Variants in BTBD8 observed in about 807,000 individuals in gnomAD.
BTBD8 encodes the protein BTB domain containing 8.
A neutral mutation model predicts 162.9 loss-of-function variants in BTBD8; 110 were observed. The ratio of observed to expected loss-of-function variants is 0.68; its 90% CI spans 0.58 to 0.79. BTBD8 has a LOEUF of 0.79. Ranked by LOEUF, BTBD8 falls within the 30% of genes least tolerant of loss-of-function variation. The probability of loss-of-function intolerance (pLI) is 0.00; values close to 1 mark genes in which losing one functional copy is unlikely to be tolerated. For synonymous variants in BTBD8, 667 were observed against 716.1 expected (o/e 0.93, Z 1.10); for missense variants, 1,905 against 2,085.4 (o/e 0.91, Z 1.68).
chr1:92,155,490 A>C (rs1318389055), intron 9 of BTBD8, among the ~76,000 whole-genome samples: 1 of 152,096 alleles, frequency 6.6e-6, no homozygotes, highest in Non-Finnish European at 1.5e-5. Flanking sequence ...CCCAGGCTGG[A>C]ATGCAGTGGC....
chr1:92,171,310 C>T (rs1570756251), intron 12 of BTBD8, 89 bp from the exon 13 acceptor site: 1 of 934,450 alleles, frequency 1.1e-6, no homozygotes, highest in Non-Finnish European at 1.6e-6. Flanking sequence ...CAAAATATAA[C>T]CTTTTTTCTA....
At chr1:92,146,086 G>T (rs763998087) in intron 7 of BTBD8, among the ~76,000 whole-genome samples, 2 of 151,882 alleles carry the variant, frequency 1.3e-5, no homozygotes, top group African/African-American at 4.8e-5. Flanking sequence ...ATATTTATAC[G>T]TTAGGAAGCA....
intron 2 of BTBD8, among the ~76,000 whole-genome samples, chr1:92,093,287 G>C (rs1383385619): frequency 6.8e-6 from 1 of 147,844 alleles, no homozygotes; most frequent in East Asian, 2.0e-4. Flanking sequence ...TCACCTCCCA[G>C]GTTCAAGCAA....
intron 4 of BTBD8, chr1:92,115,139 G>A: frequency 2.0e-6 from 1 of 505,038 alleles, no homozygotes. Context: ...TGTTCGACTT[G>A]GGGATGACCT....
chr1:92,159,777 A>G (rs146698359), intron 9 of BTBD8, among the ~76,000 whole-genome samples: 1 of 152,280 alleles, frequency 6.6e-6, no homozygotes, highest in East Asian at 1.9e-4. Flanking sequence ...CTTTAGTCTT[A>G]TAAACATTCT....
intron 9 of BTBD8, among the ~76,000 whole-genome samples, chr1:92,164,673 G>T (rs909306144): frequency 6.8e-6 from 1 of 145,994 alleles, no homozygotes; most frequent in Middle Eastern, 3.4e-3. Flanking sequence ...GCAAGACCCT[G>T]TTTCACATGG....
chr1:92,115,835 C>A, intron 4 of BTBD8: 1 of 174,714 alleles, frequency 5.7e-6, no homozygotes, highest in East Asian at 1.4e-4. Flanking sequence ...TGGTGCTGCC[C>A]AAGAACGGAA....
chr1:92,164,198 G>A (rs1345118785), intron 9 of BTBD8, among the ~76,000 whole-genome samples: 1 of 152,118 alleles, frequency 6.6e-6, no homozygotes, highest in East Asian at 1.9e-4. Context: ...ATTTTTAAAG[G>A]ATTATTGGCT....
Position 92,180,948 on chromosome 1 carries a change from G to A in BTBD8, c.3265G>A (p.Ala1089Thr). ...AAATTCAAAATTTTATAGCACCACA[G>A]CCCTAAAATACATGGTTTCAAATCC... ...NVNSKFYSTT[A>T]LKYMVSNPNE... Residue 1089 changes from alanine (A) to threonine (T), a missense_variant, in exon 17 of 18, where the codon GCC becomes ACC. Physicochemically the swap from Ala to Thr is moderately conservative, Grantham distance 58. Coordinates refer to ENST00000636805, the MANE Select transcript of BTBD8 (RefSeq NM_001376131.1). 6.4e-7 allele frequency: 1 copy of A among 1,551,642 alleles called. No individual in the cohort carries two copies. The highest frequency in any genetic ancestry group is 8.7e-7 in the Non-Finnish European group (1 of 1,146,954).
chr1:92,114,834 C>A, intron 4 of BTBD8: 1 of 339,478 alleles, frequency 2.9e-6, no homozygotes, highest in South Asian at 3.2e-5. Flanking sequence ...ACCATGAAAC[C>A]CACCACCCTG....
chr1:92,149,293 G>A (rs1489054508), intron 9 of BTBD8, among the ~76,000 whole-genome samples: 2 of 151,998 alleles, frequency 1.3e-5, no homozygotes, highest in Non-Finnish European at 2.9e-5. Context: ...CGTATTTAAG[G>A]TACAGATATC....
chr1:92,081,913 C>T (rs2101887699), intron 1 of BTBD8, among the ~76,000 whole-genome samples: 1 of 152,194 alleles, frequency 6.6e-6, no homozygotes, highest in East Asian at 1.9e-4. Context: ...CAAAAACTCA[C>T]CCATACTTAA....
Position 92,163,287 on chromosome 1 carries a change from G to A in BTBD8, c.1123-3671G>A, listed in dbSNP as rs538965284. Among the ~76,000 whole-genome samples the A allele has an allele frequency of 2.7e-5, 4 of 148,544 alleles. No individual in the cohort carries two copies. The South Asian group carries it at 6.4e-4, about 24-fold the overall frequency. ...GGAGAATGGCGTGAACCCGGGAGGC[G>A]GAGCTTGCAGTGAGCCGAGATCACG... is the stretch of plus-strand genomic sequence containing the variant. On this transcript the variant is annotated intron_variant, in intron 9 of 17. Transcript: ENST00000636805.
At chr1:92,081,859 C>T (rs1648027927) in intron 1 of BTBD8, among the ~76,000 whole-genome samples, 1 of 152,218 alleles carries the variant, frequency 6.6e-6, no homozygotes, top group Non-Finnish European at 1.5e-5. Context: ...CAGGCGTGAG[C>T]CACTGCGCCC....
intron 4 of BTBD8, among the ~76,000 whole-genome samples, chr1:92,112,126 G>T (rs1328785952): frequency 6.6e-6 from 1 of 152,176 alleles, no homozygotes; most frequent in African/African-American, 2.4e-5. Context: ...AATTGCTGTT[G>T]TGAACAGGTG....
chr1:92,180,255 C>T lies in BTBD8; in HGVS notation c.2582-10C>T, dbSNP rs969286143. On this transcript the variant is annotated splice_polypyrimidine_tract_variant and intron_variant, in intron 16 of 17. Transcript: ENST00000636805. The stretch of plus-strand genomic sequence containing the variant: ...TTACATTACTGAATATACCCTCTTA[C>T]TTTTCTTAGGATCCCAAGGAGAGTC... 5.9e-5 allele frequency: 89 copies of T among 1,518,206 alleles called. No individual in the cohort carries two copies. Among genetic ancestry groups the T allele is most frequent in the Non-Finnish European group, 6.8e-5 (77 of 1,134,286 alleles). 94.0% of individuals were successfully genotyped at this position (1,518,206 alleles called of 1,614,324 possible). A position where few individuals can be genotyped will look rare whatever the true frequency, so the allele number is the denominator to read the frequency against.
At chr1:92,097,777 T>G (rs1210800439) in intron 2 of BTBD8, among the ~76,000 whole-genome samples, 2 of 152,206 alleles carry the variant, frequency 1.3e-5, no homozygotes, top group Admixed American at 6.5e-5. Context: ...AGGATTATCC[T>G]CAGGTTTGAT....
rs556675193 is a variant in BTBD8 at position 92,104,967 on chromosome 1, C to T, written c.544+2298C>T. ...TTTTTTTTGAGAAGGAGTCTCACTC[C>T]GTAACCCAGGCTGGAGTGCCGTGGC... On this transcript the variant is annotated intron_variant, in intron 3 of 17. Transcript: ENST00000636805. Among the ~76,000 whole-genome samples, 14 of 151,748 alleles carry T rather than the reference C, an allele frequency of 9.2e-5. No homozygotes were observed. In the South Asian group the frequency reaches 1.5e-3, roughly 16 times the overall value.
intron 7 of BTBD8, among the ~76,000 whole-genome samples, chr1:92,142,962 A>G (rs567964354): frequency 6.6e-6 from 1 of 152,364 alleles, no homozygotes; most frequent in African/African-American, 2.4e-5. Context: ...AGATCAGACC[A>G]TGCTCTACTC....
Sources: allele counts gnomAD v4.1 joint callset (sites outside exome capture counted in the v4.1 genomes callset), GRCh38; gene constraint gnomAD v4.1.1; transcripts MANE v1.5; gene names NCBI Gene and HGNC (gene_info 2026-07-23, HGNC 2026-07-21).